Variants in SNX6 observed in about 807,000 individuals in gnomAD.
SNX6 encodes the protein sorting nexin-6.
SNX6 carries 34 observed loss-of-function variants against 63.0 expected under a neutral mutation model. The ratio of observed to expected loss-of-function variants is 0.54; its 90% CI spans 0.41 to 0.72. SNX6 has a LOEUF of 0.72. Among genes scored for constraint, SNX6 ranks in the 30% least tolerant of loss-of-function variants. SNX6 has a pLI of 0.00. For synonymous variants in SNX6, 170 were observed against 164.2 expected (o/e 1.04, Z -0.27); for missense variants, 398 against 471.4 (o/e 0.84, Z 1.44).
intron 11 of SNX6, among the ~76,000 whole-genome samples, chr14:34,570,426 A>G (rs1467339333): frequency 7.5e-6 from 1 of 133,706 alleles, no homozygotes; most frequent in African/African-American, 2.8e-5. Flanking sequence ...GATATCTCAC[A>G]TTTTTTTTTT....
At chr14:34,583,163 G>T (rs1483239972) in intron 9 of SNX6, among the ~76,000 whole-genome samples, 1 of 152,058 alleles carries the variant, frequency 6.6e-6, no homozygotes, top group Non-Finnish European at 1.5e-5. Flanking sequence ...AACAAAATTA[G>T]CCTGGCGTGG....
At chr14:34,610,961 G>A (rs1883204556) in intron 2 of SNX6, among the ~76,000 whole-genome samples, 1 of 151,982 alleles carries the variant, frequency 6.6e-6, no homozygotes, top group African/African-American at 2.4e-5. Flanking sequence ...TTTACTCAAT[G>A]ATTTCAAATA....
Position 34,593,049 on chromosome 14 carries a change from G to A in SNX6, c.714C>T (p.His238=), listed in dbSNP as rs1309391487. 2 of 1,582,558 alleles carry A rather than the reference G, an allele frequency of 1.3e-6. No homozygotes were observed. Among genetic ancestry groups the A allele is most frequent in the South Asian group, 2.3e-5 (2 of 86,338 alleles). Residue 238 remains histidine (H), a synonymous_variant, in exon 8 of 14, where the codon CAC becomes CAT. Transcript: ENST00000362031. ...TTAGCCACAGAAAAATCTTACTTTT[G>A]TGGGATCTTGTCATTCTATCAGATT... ...SAKSDRMTRS[H]KSAADDYNRI...
At chr14:34,605,049 A>G (rs1882961283) in intron 5 of SNX6, among the ~76,000 whole-genome samples, 1 of 151,698 alleles carries the variant, frequency 6.6e-6, no homozygotes, top group African/African-American at 2.4e-5. Context: ...TTTCATATAT[A>G]CTAGAAATGT....
chr14:34,570,725 C>CTT (rs35102326), intron 11 of SNX6, among the ~76,000 whole-genome samples: 2,158 of 114,322 alleles, frequency 0.019, 70 homozygotes, highest in African/African-American at 0.058. Flanking sequence ...CTGGCCTTCT[C>CTT]TTTTTTTTTT....
At chr14:34,566,662 T>TA (rs1237078064) in intron 13 of SNX6, among the ~76,000 whole-genome samples, 1 of 152,366 alleles carries the variant, frequency 6.6e-6, no homozygotes, top group East Asian at 1.9e-4. Flanking sequence ...AAATAATCTT[T>TA]AAAATCCCTC....
chr14:34,613,539 T>A (rs1883308469), intron 2 of SNX6, among the ~76,000 whole-genome samples: 1 of 152,206 alleles, frequency 6.6e-6, no homozygotes, highest in Non-Finnish European at 1.5e-5. Flanking sequence ...ACGCCTGTAA[T>A]CCCAGCACTT....
intron 2 of SNX6, among the ~76,000 whole-genome samples, chr14:34,623,682 G>A (rs1278569314): frequency 6.6e-6 from 1 of 152,128 alleles, no homozygotes; most frequent in African/African-American, 2.4e-5. Flanking sequence ...TGACTGTTCT[G>A]ATATAAAGAT....
intron 11 of SNX6, among the ~76,000 whole-genome samples, chr14:34,574,619 CAAAAAAA>C (rs33959613): frequency 3.0e-4 from 24 of 79,424 alleles, no homozygotes; most frequent in African/African-American, 9.7e-4. Flanking sequence ...GACTCCATCT[CAAAAAAA>C]AAAAAAAAAA....
In SNX6 at chr14:34,597,550, C is replaced by A. The variant is rs775810905; in HGVS notation, c.612G>T (p.Lys204Asn). Residue 204 changes from lysine (K) to asparagine (N), a missense_variant and splice_region_variant, in exon 7 of 14, where the codon AAG (lysine) becomes AAT (asparagine). Transcript: ENST00000362031. ...SADGVIVSGV[K>N]DVDDFFEHER... ...CACAGTTAATCAAATAAAATCTTAC[C>A]TTTACTCCTGAAACGATTACTCCAT... The A allele has an allele frequency of 6.4e-7, 1 of 1,552,120 alleles. No homozygotes were observed.
chr14:34,599,747 C>A (rs1266270232), intron 6 of SNX6, among the ~76,000 whole-genome samples: 1 of 146,344 alleles, frequency 6.8e-6, no homozygotes, highest in Non-Finnish European at 1.5e-5. Context: ...GTACTCCAGC[C>A]CGGGCAACAG....
chr14:34,622,637 A>G (rs1279681388), intron 2 of SNX6, among the ~76,000 whole-genome samples: 5 of 151,658 alleles, frequency 3.3e-5, no homozygotes, highest in Admixed American at 3.3e-4. Context: ...TATGCACTAC[A>G]TACTCTGTAC....
At chr14:34,567,349 T>G (rs907732363) in intron 13 of SNX6, among the ~76,000 whole-genome samples, 15 of 152,168 alleles carry the variant, frequency 9.9e-5, no homozygotes, top group Admixed American at 9.8e-4. Context: ...TACCCAGGTG[T>G]GGTGGCACAT....
chr14:34,569,060 T>A (rs1303635909), intron 11 of SNX6: 8 of 1,262,626 alleles, frequency 6.3e-6, no homozygotes, highest in Non-Finnish European at 4.6e-6. Context: ...TTCCCAGACT[T>A]TCTGAGGAAG....
intron 5 of SNX6, among the ~76,000 whole-genome samples, chr14:34,605,324 AAAG>A (rs1882974327): frequency 6.6e-6 from 1 of 152,122 alleles, no homozygotes; most frequent in Non-Finnish European, 1.5e-5. Context: ...TACCTTTTTA[AAAG>A]AAGCTTTTGG....
At chr14:34,578,488 G>T (rs1250302943) in intron 10 of SNX6, among the ~76,000 whole-genome samples, 1 of 150,908 alleles carries the variant, frequency 6.6e-6, no homozygotes. Context: ...AAATTAGTTG[G>T]GCATGGTGAT....
chr14:34,585,071 C>T (rs1195910744), intron 9 of SNX6, among the ~76,000 whole-genome samples: 1 of 152,070 alleles, frequency 6.6e-6, no homozygotes, highest in Admixed American at 6.6e-5. Context: ...AGGCTGGTCT[C>T]AAACTCCCGA....
In SNX6 at chr14:34,603,367, A is replaced by G; in HGVS notation, c.497T>C (p.Phe166Ser). 1 of 1,610,212 alleles carries G rather than the reference A, an allele frequency of 6.2e-7. No homozygotes were observed. Among genetic ancestry groups the G allele is most frequent in the Non-Finnish European group, 8.5e-7 (1 of 1,178,462 alleles). Residue 166 changes from phenylalanine (F) to serine (S), a missense_variant, in exon 6 of 14, where the codon TTC (phenylalanine) becomes TCC (serine). By Grantham distance (155) the Phe-to-Ser change is radical. Coordinates refer to ENST00000362031, the MANE Select transcript of SNX6 (RefSeq NM_152233.4). ...ACTCACATCTTGATTATATTCCAAG[A>G]AGACATGGAAATTTAAATCTCTTCT... ...ILRRDLNFHV[F>S]LEYNQDLSVR...
At position 34,601,739 on chromosome 14, in the gene SNX6, C is replaced by T. The variant is rs185439094; in HGVS notation, c.516+1609G>A. 2.3e-4 allele frequency among the ~76,000 whole-genome samples: 35 copies of T among 151,764 alleles called. No individual in the cohort carries two copies. In the East Asian group the frequency reaches 6.5e-3, roughly 28 times the overall value. The stretch of plus-strand genomic sequence containing the variant: ...CCTCCCGAGTAGCTGGGATTACAGG[C>T]GCCCACCACCATGCCCAGATAATTT... On this transcript the variant is annotated intron_variant, in intron 6 of 13. Coordinates refer to ENST00000362031, the MANE Select transcript of SNX6 (RefSeq NM_152233.4).
Sources: allele counts gnomAD v4.1 joint callset (sites outside exome capture counted in the v4.1 genomes callset), GRCh38; gene constraint gnomAD v4.1.1; transcripts MANE v1.5; gene names NCBI Gene and HGNC (gene_info 2026-07-23, HGNC 2026-07-21).